The following NOX4 variants were observed in gnomAD, a reference collection of about 807,000 sequenced individuals.
NOX4 encodes kidney oxidase-1.
NOX4 carries 69 observed loss-of-function variants against 87.6 expected under a neutral mutation model. That is an observed-to-expected ratio of 0.79 (90% CI 0.65 to 0.96). The LOEUF is 0.96. Ranked by LOEUF, NOX4 falls within the 40% of genes least tolerant of loss-of-function variation. NOX4 has a pLI of 0.00. For missense variants in NOX4, 680 were observed against 681.5 expected (o/e 1.00, Z 0.02); for synonymous variants, 275 against 238.2 (o/e 1.15, Z -1.42).
the NOX4 span, among the ~76,000 whole-genome samples, chr11:89,538,862 C>T: frequency 1.2e-4 from 19 of 152,164 alleles, no homozygotes; most frequent in African/African-American, 4.3e-4. Flanking sequence ...CATATACTGA[C>T]ACCCTAACTC....
intron 2 of NOX4, among the ~76,000 whole-genome samples, chr11:89,456,527 G>A (rs1352312672): frequency 6.6e-6 from 1 of 152,150 alleles, no homozygotes; most frequent in Non-Finnish European, 1.5e-5. Flanking sequence ...AGTGGATGCA[G>A]TTAGGACACA....
chr11:89,357,773 C>G (rs1938182039), intron 12 of NOX4, among the ~76,000 whole-genome samples: 4 of 152,094 alleles, frequency 2.6e-5, no homozygotes, highest in Admixed American at 2.6e-4. Flanking sequence ...ATGCACACAA[C>G]TATAATATAA....
intron 2 of NOX4, among the ~76,000 whole-genome samples, chr11:89,465,368 TTTACCC>T (rs1266048117): frequency 6.6e-6 from 1 of 152,222 alleles, no homozygotes; most frequent in Non-Finnish European, 1.5e-5. Flanking sequence ...CCATATTTTC[TTTACCC>T]AGTCTATCAT....
chr11:89,501,273 T>C (rs1947014590), upstream of NOX4, among the ~76,000 whole-genome samples: 2 of 152,022 alleles, frequency 1.3e-5, no homozygotes, highest in Non-Finnish European at 2.9e-5. Context: ...ATTCCCCTAA[T>C]TTGAGACTTC....
chr11:89,388,392 G>A (rs758052954), intron 11 of NOX4, among the ~76,000 whole-genome samples: 14 of 151,974 alleles, frequency 9.2e-5, no homozygotes, highest in Non-Finnish European at 1.6e-4. Context: ...CCTCACCATG[G>A]AGGTATCTCA....
At chr11:89,443,369 C>T (rs1439262420) in intron 5 of NOX4, 1 of 151,766 alleles carries the variant, frequency 6.6e-6, no homozygotes, top group African/African-American at 2.4e-5. Flanking sequence ...TAATAAGTCA[C>T]TACCAAACTT....
chr11:89,484,000 A>C (rs1035789680), intron 2 of NOX4, among the ~76,000 whole-genome samples: 1 of 152,130 alleles, frequency 6.6e-6, no homozygotes, highest in Non-Finnish European at 1.5e-5. Context: ...TCTCAGCTAC[A>C]AAACAAAAAC....
intron 17 of NOX4, among the ~76,000 whole-genome samples, chr11:89,329,466 A>C (rs558835311): frequency 2.8e-5 from 2 of 70,326 alleles, no homozygotes; most frequent in South Asian, 1.3e-3. Flanking sequence ...ATGAGAGAAG[A>C]CCAAGGGAGA....
At chr11:89,415,559 T>C (rs1170211176) in intron 8 of NOX4, among the ~76,000 whole-genome samples, 2 of 152,118 alleles carry the variant, frequency 1.3e-5, no homozygotes, top group African/African-American at 2.4e-5. Context: ...ACTTGTTTTA[T>C]ACAAAAATAT....
intron 2 of NOX4, among the ~76,000 whole-genome samples, chr11:89,452,994 T>C (rs1565312169): frequency 1.3e-5 from 2 of 152,212 alleles, no homozygotes; most frequent in Middle Eastern, 3.4e-3. Context: ...CAGTGAGTCA[T>C]GTTCATGCCA....
At chr11:89,398,293 A>G (rs887636961) in intron 11 of NOX4, among the ~76,000 whole-genome samples, 4 of 152,098 alleles carry the variant, frequency 2.6e-5, no homozygotes, top group Non-Finnish European at 4.4e-5. Flanking sequence ...TTCTCAATAA[A>G]CTAGATATTG....
intron 6 of NOX4, among the ~76,000 whole-genome samples, chr11:89,439,574 G>C (rs1944368330): frequency 6.6e-6 from 1 of 152,084 alleles, no homozygotes; most frequent in Admixed American, 6.6e-5. Flanking sequence ...TCAGTCCCAT[G>C]TGCAATTCCA....
the NOX4 span, among the ~76,000 whole-genome samples, chr11:89,560,403 T>C: frequency 6.6e-6 from 1 of 152,108 alleles, no homozygotes; most frequent in African/African-American, 2.4e-5. Context: ...AATTCTGTAG[T>C]TTTACGTGAG....
intron 4 of NOX4, among the ~76,000 whole-genome samples, chr11:89,444,958 G>T (rs185991227): frequency 6.6e-6 from 1 of 152,114 alleles, no homozygotes; most frequent in African/African-American, 2.4e-5. Flanking sequence ...AGGAGGTTGG[G>T]TAAGGAAGGA....
At chr11:89,443,399 T>TG (rs1427026842) in intron 5 of NOX4, 92 of 149,252 alleles carry the variant, frequency 6.2e-4, no homozygotes, top group African/African-American at 2.2e-3. Context: ...AACAGGAAAA[T>TG]AAGGGGGGGG....
intron 2 of NOX4, among the ~76,000 whole-genome samples, chr11:89,467,750 G>A (rs565659248): frequency 6.6e-6 from 1 of 152,218 alleles, no homozygotes; most frequent in East Asian, 1.9e-4. Flanking sequence ...AATTTTGGGG[G>A]GACACAAATA....
At chr11:89,501,901 AGTTTTTAT>A (rs944593187), upstream of NOX4, among the ~76,000 whole-genome samples, 3 of 152,070 alleles carry the variant, frequency 2.0e-5, no homozygotes, top group African/African-American at 7.2e-5. Flanking sequence ...GGTGCTTTTC[AGTTTTTAT>A]GTTTCTGAAT....
chr11:89,585,443 A>G, the NOX4 span, among the ~76,000 whole-genome samples: 1 of 152,118 alleles, frequency 6.6e-6, no homozygotes. Flanking sequence ...TTGGCTGCAA[A>G]CTTCTAGAAC....
chr11:89,476,951 C>T (rs1362984466), intron 2 of NOX4, among the ~76,000 whole-genome samples: 1 of 152,126 alleles, frequency 6.6e-6, no homozygotes, highest in African/African-American at 2.4e-5. Flanking sequence ...GGATAAACAT[C>T]AAGCACATTA....
Sources: allele counts gnomAD v4.1 joint callset (sites outside exome capture counted in the v4.1 genomes callset), GRCh38; gene constraint gnomAD v4.1.1; transcripts MANE v1.5; gene names NCBI Gene and HGNC (gene_info 2026-07-23, HGNC 2026-07-21).